C9orf43: variants seen among roughly 807,000 people sequenced by gnomAD.
C9orf43 encodes the protein uncharacterized protein C9orf43.
In C9orf43, 45 loss-of-function variants were observed where a neutral mutation model predicts 59.1. The observed-to-expected ratio is 0.76, with a 90% confidence interval of 0.60 to 0.98. The LOEUF is 0.98. C9orf43 is among the 50% of genes least tolerant of loss of function. The pLI is 0.00. For synonymous variants in C9orf43, 203 were observed against 196.8 expected (o/e 1.03, Z -0.26); for missense variants, 533 against 554.9 (o/e 0.96, Z 0.40).
chr9:113,413,877 C>T lies in C9orf43; in HGVS notation c.270C>T (p.Tyr90=), dbSNP rs1472395827. The T allele has an allele frequency of 6.2e-7, 1 of 1,609,580 alleles. No individual in the cohort carries two copies. Residue 90 remains tyrosine (Y), a synonymous_variant, in exon 3 of 14, where the codon TAC becomes TAT. Transcript: ENST00000374165. ...TATTGTCTCAGAGTTCAAAGTTTTA[C>T]TCCAAATTTCATGGCAGGTAAATTA... ...HSLLSQSSKF[Y]SKFHGRPPKG...
rs965905902 is a variant in C9orf43, at chr9:113,420,896, G to A, written c.346-207G>A. The stretch of plus-strand genomic sequence containing the variant: ...CACAGGGAAGCAGGGGAGATTATCT[G>A]CTTATTAATACTCACTCTTGCAGAT... On this transcript the variant is annotated intron_variant, in intron 4 of 13. Coordinates refer to ENST00000374165, the MANE Select transcript of C9orf43 (RefSeq NM_001278629.2). 1.3e-5 allele frequency: 7 copies of A among 552,236 alleles called. No homozygotes were observed. In the African/African-American group the frequency reaches 1.4e-4, roughly 11 times the overall value. 34.2% of individuals were successfully genotyped at this position (552,236 alleles called of 1,614,324 possible).
At chr9:113,411,837 C>T (rs1351757924) in intron 1 of C9orf43, among the ~76,000 whole-genome samples, 1 of 151,904 alleles carries the variant, frequency 6.6e-6, no homozygotes, top group Non-Finnish European at 1.5e-5. Flanking sequence ...CCATCACACC[C>T]AGCTAATTTT....
Position 113,425,649 on chromosome 9 carries a change from A to G in C9orf43, c.949A>G (p.Lys317Glu). ...VKTPIKKQEA[K>E]KKAKSDPGIQ... ...CTCCTGATGTGGGTTTCAGGAGGCT[A>G]AAAAGAAAGCCAAGAGTGATCCAGG... Residue 317 changes from lysine (K) to glutamate (E), a missense_variant, in exon 11 of 14, where the codon AAA becomes GAA. By Grantham distance (56) the Lys-to-Glu change is moderately conservative. Transcript: ENST00000374165. The G allele has an allele frequency of 6.2e-7, 1 of 1,613,960 alleles. No homozygotes were observed. The highest frequency in any genetic ancestry group is 8.5e-7 in the Non-Finnish European group (1 of 1,179,846).
chr9:113,429,455 A>G lies in C9orf43; in HGVS notation c.*69A>G. On this transcript the variant is annotated 3_prime_UTR_variant, in exon 14 of 14. Coordinates refer to ENST00000374165, the MANE Select transcript of C9orf43 (RefSeq NM_001278629.2). Reference sequence around the variant, plus strand: ...CGTGTTCCAAAGCGGGATGGCTGGTATCCTGAGGGCAGCAACGTTTCACAT... The same window carrying G: ...CGTGTTCCAAAGCGGGATGGCTGGTGTCCTGAGGGCAGCAACGTTTCACAT... 1.5e-6 allele frequency: 2 copies of G among 1,379,088 alleles called. No homozygotes were observed. Among genetic ancestry groups the G allele is most frequent in the East Asian group, 2.3e-5 (1 of 42,758 alleles). 85.4% of individuals were successfully genotyped at this position (1,379,088 alleles called of 1,614,324 possible).
intron 3 of C9orf43, 44 bp from the exon 4 acceptor site, chr9:113,419,064 A>G: frequency 6.7e-7 from 1 of 1,489,018 alleles, no homozygotes; most frequent in Non-Finnish European, 9.3e-7. Context: ...TCATTCCAAT[A>G]AGTCTTTTGT....
chr9:113,428,254 C>G (rs1301874696), intron 12 of C9orf43, 31 bp downstream of exon 12: 1 of 1,591,424 alleles, frequency 6.3e-7, no homozygotes, highest in South Asian at 1.1e-5. Context: ...CTGCTAGGAC[C>G]CAGTTTCAGT....
intron 11 of C9orf43, 151 bp downstream of exon 11, chr9:113,425,881 C>G: frequency 1.5e-6 from 1 of 650,032 alleles, no homozygotes; most frequent in South Asian, 1.9e-5. Context: ...TGTCTGGTCT[C>G]TCATGCACCA....
chr9:113,422,969 G>A (rs745730648), intron 6 of C9orf43, among the ~76,000 whole-genome samples: 37 of 152,208 alleles, frequency 2.4e-4, no homozygotes, highest in Non-Finnish European at 4.0e-4. Context: ...ATAAGTCACT[G>A]TAAGACTGCT....
intron 6 of C9orf43, 127 bp downstream of exon 6, chr9:113,422,712 C>T: frequency 9.3e-7 from 1 of 1,078,068 alleles, no homozygotes; most frequent in South Asian, 1.7e-5. Context: ...CTAAAGAAAA[C>T]CCTTCTTTAG....
chr9:113,421,113 T>C lies in C9orf43; in HGVS notation c.356T>C (p.Leu119Ser). 6.2e-7 allele frequency: 1 copy of C among 1,613,384 alleles called. No homozygotes were observed. Reference protein sequence around the residue: ...CTNRLPKFPVLNLNETQLPCP... With the variant: ...CTNRLPKFPVSNLNETQLPCP... ...ATATCTTTCTCTTAGTTTCCAGTGT[T>C]GAATTTGAATGAGACGCAACTTCCC... The change falls in exon 5 of 14, where the codon TTG (leucine) becomes TCG (serine). Residue 119 changes from leucine (L) to serine (S), a missense_variant. Leu to Ser is a moderately radical substitution (Grantham distance 145). Transcript: ENST00000374165.
chr9:113,412,561 A>G (rs183953622), intron 1 of C9orf43, among the ~76,000 whole-genome samples: 37 of 152,328 alleles, frequency 2.4e-4, no homozygotes, highest in African/African-American at 8.9e-4. Context: ...TGCCTAAAAC[A>G]CCTCTAGAAA....
At chr9:113,423,864 T>A (rs1828681766) in intron 7 of C9orf43, among the ~76,000 whole-genome samples, 1 of 152,226 alleles carries the variant, frequency 6.6e-6, no homozygotes, top group Non-Finnish European at 1.5e-5. Flanking sequence ...ACTGGCTATA[T>A]GAATTTTGGT....
chr9:113,426,926 C>G (rs778312010), intron 11 of C9orf43, among the ~76,000 whole-genome samples: 18 of 152,042 alleles, frequency 1.2e-4, no homozygotes, highest in Non-Finnish European at 2.1e-4. Flanking sequence ...TGGGAGTTTT[C>G]CTGATATGGG....
Position 113,410,870 on chromosome 9 carries a change from C to A in C9orf43, c.-181C>A. The A allele has an allele frequency of 2.3e-6, 2 of 886,574 alleles. No individual in the cohort carries two copies. The highest frequency in any genetic ancestry group is 2.7e-6 in the Non-Finnish European group (2 of 738,450). 54.9% of individuals were successfully genotyped at this position (886,574 alleles called of 1,614,324 possible). On this transcript the variant is annotated 5_prime_UTR_variant, in exon 1 of 14. Coordinates refer to ENST00000374165, the MANE Select transcript of C9orf43 (RefSeq NM_001278629.2). ...GGAATCTGCTTTGCTCTCACAGGAC[C>A]TCAGCCCGTCGTGATCAGATTCTCC...
chr9:113,414,641 C>T (rs905684528), intron 3 of C9orf43, among the ~76,000 whole-genome samples: 1 of 152,108 alleles, frequency 6.6e-6, no homozygotes, highest in Admixed American at 6.5e-5. Flanking sequence ...TTAATTTCTT[C>T]TTACAAGGAC....
Position 113,413,658 on chromosome 9 carries a change from C to A in C9orf43, c.151+14C>A, listed in dbSNP as rs1828254347. The A allele has an allele frequency of 1.9e-6, 3 of 1,613,560 alleles. No individual in the cohort carries two copies. The African/African-American group carries it at 4.0e-5, about 22-fold the overall frequency. ...TGGATGCTGAAGGTGAATTAGCCAGCTTCTGTCCTCTCCCTCACGAGGTCC... is the reference window on the plus strand; with the variant it reads ...TGGATGCTGAAGGTGAATTAGCCAGATTCTGTCCTCTCCCTCACGAGGTCC... On this transcript the variant is annotated intron_variant, in intron 2 of 13. Transcript: ENST00000374165.
intron 10 of C9orf43, 65 bp downstream of exon 10, chr9:113,425,485 G>C (rs555581212): frequency 6.4e-7 from 1 of 1,551,336 alleles, no homozygotes; most frequent in East Asian, 2.4e-5. Context: ...GGGAAGGGAT[G>C]TATGAAAGGT....
chr9:113,423,452 C>A lies in C9orf43; in HGVS notation c.610C>A (p.Pro204Thr), dbSNP rs764627587. 2.5e-6 allele frequency: 4 copies of A among 1,614,064 alleles called. No homozygotes were observed. Among genetic ancestry groups the A allele is most frequent in the Non-Finnish European group, 3.4e-6 (4 of 1,179,958 alleles). Reference protein sequence around the residue: ...LSEQFSSDFLPLWAQSEALPQ... With the variant: ...LSEQFSSDFLTLWAQSEALPQ... ...TGAACAATTCAGTTCAGATTTCCTACCTCTCTGGGCTCAATCCGAAGCGTT... is the reference window on the plus strand; with the variant it reads ...TGAACAATTCAGTTCAGATTTCCTAACTCTCTGGGCTCAATCCGAAGCGTT... The change falls in exon 7 of 14, where the codon CCT (proline) becomes ACT (threonine). Residue 204 changes from proline to threonine, a missense_variant. Pro to Thr is a conservative substitution (Grantham distance 38). Transcript: ENST00000374165.
chr9:113,429,201 A>G lies in C9orf43; in HGVS notation c.1201A>G (p.Asn401Asp), dbSNP rs777159283. ...TGAATTGTATGAAACAGAACCCACT[A>G]ACAAGGACATTAGTGCTCCAGTGGA... Reference protein sequence around the residue: ...SPELYETEPTNKDISAPVDAV... With the variant: ...SPELYETEPTDKDISAPVDAV... The change falls in exon 14 of 14, where the codon AAC (asparagine) becomes GAC (aspartate). Residue 401 changes from asparagine (N) to aspartate (D), a missense_variant. Physicochemically the swap from Asn to Asp is conservative, Grantham distance 23. Coordinates refer to ENST00000374165, the MANE Select transcript of C9orf43 (RefSeq NM_001278629.2). 1 of 1,614,070 alleles carries G rather than the reference A, an allele frequency of 6.2e-7. No individual in the cohort carries two copies. Among genetic ancestry groups the G allele is most frequent in the African/African-American group, 1.3e-5 (1 of 74,944 alleles).
Sources: allele counts gnomAD v4.1 joint callset (sites outside exome capture counted in the v4.1 genomes callset), GRCh38; gene constraint gnomAD v4.1.1; transcripts MANE v1.5; gene names NCBI Gene and HGNC (gene_info 2026-07-23, HGNC 2026-07-21).